DOCK5: variants seen among roughly 807,000 people sequenced by gnomAD.
DOCK5 encodes dedicator of cytokinesis 5.
DOCK5 carries 142 observed loss-of-function variants against 251.8 expected under a neutral mutation model. That is an observed-to-expected ratio of 0.56 (90% CI 0.49 to 0.65). DOCK5 has a LOEUF of 0.65. Among genes scored for constraint, DOCK5 ranks in the 30% least tolerant of loss-of-function variants. The pLI, the probability that DOCK5 is intolerant of heterozygous loss-of-function variation, is 0.00. For missense variants in DOCK5, 2,111 were observed against 2,312.3 expected (o/e 0.91, Z 1.79); for synonymous variants, 842 against 835.5 (o/e 1.01, Z -0.13).
At chr8:25,342,218 G>T (rs1284398502) in intron 24 of DOCK5, among the ~76,000 whole-genome samples, 183 bp from the exon 25 acceptor site, 1 of 152,154 alleles carries the variant, frequency 6.6e-6, no homozygotes, top group Non-Finnish European at 1.5e-5. Flanking sequence ...CTCTAAGGCA[G>T]AGCCCTCCAG....
intron 1 of DOCK5, among the ~76,000 whole-genome samples, chr8:25,235,213 T>A (rs1179740628): frequency 6.6e-6 from 1 of 152,104 alleles, no homozygotes; most frequent in Non-Finnish European, 1.5e-5. Context: ...CCATAGACTT[T>A]TTGTTCTGTA....
At chr8:25,320,492 A>G (rs138022571) in intron 15 of DOCK5, among the ~76,000 whole-genome samples, 1 of 152,336 alleles carries the variant, frequency 6.6e-6, no homozygotes, top group African/African-American at 2.4e-5. Context: ...CCATGATTTG[A>G]CTGCACACCA....
At chr8:25,297,969 A>G (rs1804662048) in intron 7 of DOCK5, among the ~76,000 whole-genome samples, 1 of 151,338 alleles carries the variant, frequency 6.6e-6, no homozygotes, top group Non-Finnish European at 1.5e-5. Flanking sequence ...AGGCAGGAGG[A>G]TCACTTGAGA....
chr8:25,246,890 G>GT (rs145041068), intron 2 of DOCK5, among the ~76,000 whole-genome samples: 26 of 147,890 alleles, frequency 1.8e-4, no homozygotes, highest in Admixed American at 2.7e-4. Flanking sequence ...TTTGTTTTTT[G>GT]TTTTTTTTTT....
intron 6 of DOCK5, among the ~76,000 whole-genome samples, chr8:25,294,027 A>G (rs1039650962): frequency 6.6e-6 from 1 of 152,102 alleles, no homozygotes; most frequent in African/African-American, 2.4e-5. Flanking sequence ...AATTAATAAA[A>G]GGCCAATTGG....
intron 40 of DOCK5, among the ~76,000 whole-genome samples, chr8:25,385,470 A>G (rs543680061): frequency 1.6e-4 from 24 of 152,200 alleles, no homozygotes; most frequent in African/African-American, 5.3e-4. Flanking sequence ...AGTTGTCAAG[A>G]ATGATTTCTG....
intron 9 of DOCK5, among the ~76,000 whole-genome samples, 152 bp downstream of exon 9, chr8:25,300,809 AC>A (rs1270753750): frequency 6.6e-6 from 1 of 152,212 alleles, no homozygotes; most frequent in African/African-American, 2.4e-5. Flanking sequence ...TTCAACATGT[AC>A]TTCAATGCCA....
intron 1 of DOCK5, among the ~76,000 whole-genome samples, chr8:25,203,751 C>T (rs946698971): frequency 1.3e-5 from 2 of 152,168 alleles, no homozygotes; most frequent in Non-Finnish European, 2.9e-5. Flanking sequence ...TCAGGGAGGA[C>T]ATATGGACAT....
intron 1 of DOCK5, among the ~76,000 whole-genome samples, chr8:25,219,136 C>G (rs1410282490): frequency 1.3e-5 from 2 of 152,178 alleles, no homozygotes; most frequent in Non-Finnish European, 2.9e-5. Flanking sequence ...GCTACTTCCC[C>G]TCCCCTCTGA....
intron 1 of DOCK5, among the ~76,000 whole-genome samples, chr8:25,217,075 GTATA>G (rs1205947017): frequency 6.9e-6 from 1 of 144,812 alleles, no homozygotes; most frequent in Non-Finnish European, 1.5e-5. Context: ...ATGTATATAT[GTATA>G]TATAATATGT....
intron 31 of DOCK5, 66 bp from the exon 32 acceptor site, chr8:25,368,126 C>G: frequency 7.8e-7 from 1 of 1,275,608 alleles, no homozygotes; most frequent in Non-Finnish European, 1.1e-6. Flanking sequence ...TACTTTCCTT[C>G]TTATTGTGTT....
intron 38 of DOCK5, among the ~76,000 whole-genome samples, chr8:25,378,164 T>C (rs1586377555): frequency 6.6e-6 from 1 of 152,222 alleles, no homozygotes; most frequent in East Asian, 1.9e-4. Flanking sequence ...CCTAACCTTC[T>C]AGTCACATGA....
chr8:25,217,463 C>G (rs1202375748), intron 1 of DOCK5, among the ~76,000 whole-genome samples: 9 of 152,072 alleles, frequency 5.9e-5, no homozygotes, highest in African/African-American at 2.2e-4. Context: ...TTGCCCTGAC[C>G]AGTAGCATTC....
chr8:25,371,351 C>G (rs549502592), intron 34 of DOCK5, among the ~76,000 whole-genome samples: 39 of 152,232 alleles, frequency 2.6e-4, no homozygotes, highest in African/African-American at 8.7e-4. Context: ...GCCTGTAGTC[C>G]CAGCTACTTG....
chr8:25,311,094 T>G (rs2117182995), intron 13 of DOCK5, among the ~76,000 whole-genome samples: 1 of 152,342 alleles, frequency 6.6e-6, no homozygotes, highest in African/African-American at 2.4e-5. Flanking sequence ...TCCTGTTTCA[T>G]CTTCTTTCTA....
rs781171237 is a variant in DOCK5, at chr8:25,308,790, A to C, written c.1057A>C (p.Met353Leu). Residue 353 changes from methionine to leucine, a missense_variant, in exon 12 of 52, where the codon ATG becomes CTG. Met to Leu is a conservative substitution (Grantham distance 15). Transcript: ENST00000276440. ...QHFIPFQQIA[M>L]ETYIRQRQLI... is the part of the protein sequence containing the mutation. The stretch of plus-strand genomic sequence containing the variant: ...TTATTTCTCTTTCCCAAGAATTGCG[A>C]TGGAAACCTACATCCGCCAGAGGCA... 6.2e-7 allele frequency: 1 copy of C among 1,613,764 alleles called. No homozygotes were observed. The highest frequency in any genetic ancestry group is 1.1e-5 in the South Asian group (1 of 91,068).
At chr8:25,369,316 A>G (rs1016739222) in intron 33 of DOCK5, among the ~76,000 whole-genome samples, 40 of 152,362 alleles carry the variant, frequency 2.6e-4, no homozygotes, top group African/African-American at 8.9e-4. Flanking sequence ...ACAGAAAGCA[A>G]TGTTTTGGAT....
intron 37 of DOCK5, 57 bp from the exon 38 acceptor site, chr8:25,377,248 T>G: frequency 1.3e-6 from 2 of 1,547,826 alleles, no homozygotes; most frequent in Non-Finnish European, 1.7e-6. Flanking sequence ...ATTTTCTTGA[T>G]GTTGGGGGGC....
At chr8:25,315,955 G>C (rs562995852) in intron 13 of DOCK5, among the ~76,000 whole-genome samples, 7 of 152,194 alleles carry the variant, frequency 4.6e-5, no homozygotes, top group African/African-American at 1.4e-4. Flanking sequence ...GTTTAATATA[G>C]TGCAGGTGTT....
Sources: gnomAD v4.1 joint callset for allele counts (sites outside exome capture counted in the v4.1 genomes callset) on GRCh38, gnomAD v4.1.1 for gene constraint, MANE v1.5 for transcripts, NCBI Gene and HGNC (gene_info 2026-07-23, HGNC 2026-07-21) for gene names.